ELAC2: variants seen among roughly 807,000 people sequenced by gnomAD.
ELAC2 encodes the protein elaC ribonuclease Z 2, also known as zinc phosphodiesterase ELAC protein 2.
In ELAC2, 92 loss-of-function variants were observed where a neutral mutation model predicts 105.2. That is an observed-to-expected ratio of 0.87 (90% CI 0.74 to 1.04). ELAC2 has a LOEUF of 1.04. Ranked by LOEUF, ELAC2 falls within the 50% of genes least tolerant of loss-of-function variation. The pLI, the probability that ELAC2 is intolerant of heterozygous loss-of-function variation, is 0.00. For synonymous variants in ELAC2, 468 were observed against 409.1 expected, an observed-to-expected ratio of 1.14 and a Z score of -1.74; for missense variants, 1,099 against 1,071.7, an observed-to-expected ratio of 1.03 and a Z score of -0.36.
Position 13,005,803 on chromosome 17 carries a change from T to C in ELAC2, c.820A>G (p.Ile274Val), listed in dbSNP as rs1467469480. The C allele has an allele frequency of 6.2e-7, 1 of 1,614,050 alleles. No individual in the cohort carries two copies. The highest frequency in any genetic ancestry group is 8.5e-7 in the Non-Finnish European group (1 of 1,180,052). ...LPVGTAAIAP[I>V]IAAVKDGKSI... ...TTCCCGTCCTTGACAGCAGCAATGA[T>C]GGGAGCGATGGCAGCTGTCCCACTG... is the stretch of plus-strand genomic sequence containing the variant. The change falls in exon 10 of 24, where the codon ATC becomes GTC. Residue 274 changes from isoleucine (I) to valine (V), a missense_variant. By Grantham distance (29) the Ile-to-Val change is conservative. Transcript: ENST00000338034.
intron 8 of ELAC2, 124 bp from the exon 9 acceptor site, chr17:13,006,103 G>T: frequency 2.0e-6 from 2 of 987,086 alleles, no homozygotes; most frequent in Non-Finnish European, 3.1e-6. Context: ...AGGCACGGTG[G>T]CTCACGCCTG....
rs1598189763 is a variant in ELAC2 at position 12,993,028 on chromosome 17, A to G, written c.2271T>C (p.Phe757=). The G allele has an allele frequency of 1.2e-6, 2 of 1,603,336 alleles. No homozygotes were observed. Among genetic ancestry groups the G allele is most frequent in the Non-Finnish European group, 1.7e-6 (2 of 1,178,666 alleles). ...FDHMKVCFGD[F]PTMPKLIPPL... ...GGGGAATCAGCTTGGGCATTGTTGG[A>G]AAGTCTCCAAAGCAGACCTAGAAGA... Residue 757 remains phenylalanine (F), a synonymous_variant, in exon 24 of 24, where the codon TTT becomes TTC. Transcript: ENST00000338034.
intron 22 of ELAC2, 72 bp downstream of exon 22, chr17:12,994,352 CG>C: frequency 6.4e-7 from 1 of 1,552,684 alleles, no homozygotes; most frequent in South Asian, 1.1e-5. Context: ...TGGAGACAAA[CG>C]ACGGCTGCTC....
intron 23 of ELAC2, 64 bp downstream of exon 23, chr17:12,993,619 TACTC>T (rs2040315386): frequency 1.9e-6 from 3 of 1,608,778 alleles, no homozygotes; most frequent in Non-Finnish European, 2.5e-6. Flanking sequence ...CTGACCGTCC[TACTC>T]AGTGTGTAGA....
chr17:12,996,241 T>C lies in ELAC2; in HGVS notation c.1660-263A>G, dbSNP rs142055794. The C allele has an allele frequency of 1.5e-3, 933 of 625,598 alleles. 5 individuals carry two copies. The African/African-American group carries it at 0.015, about 10-fold the overall frequency. 38.8% of individuals were successfully genotyped at this position (625,598 alleles called of 1,614,324 possible). On this transcript the variant is annotated intron_variant, in intron 17 of 23. Transcript: ENST00000338034. Reference sequence around the variant, plus strand: ...CCAGGAGACCAAGGTGAGGGTCTCATAGCCACACCTCCTGCATCCGGTCAA... The same window carrying C: ...CCAGGAGACCAAGGTGAGGGTCTCACAGCCACACCTCCTGCATCCGGTCAA...
Position 12,996,192 on chromosome 17 carries a change from G to A in ELAC2, c.1660-214C>T, listed in dbSNP as rs889304155. ...GCGACACGACCCGTGCTGGGAAGAG[G>A]GCAACGGCCCAGGGCCCGGCACCCC... On this transcript the variant is annotated intron_variant, in intron 17 of 23. Coordinates refer to ENST00000338034, the MANE Select transcript of ELAC2 (RefSeq NM_018127.7). 3.1e-5 allele frequency: 21 copies of A among 670,218 alleles called. No homozygotes were observed. The Middle Eastern group carries it at 1.2e-3, about 38-fold the overall frequency. The allele number at this position is 670,218 out of a possible 1,614,324, so 41.5% of individuals were successfully genotyped here. A position where few individuals can be genotyped will look rare whatever the true frequency, so the allele number is the denominator to read the frequency against.
chr17:13,002,186 G>T, intron 14 of ELAC2, 88 bp downstream of exon 14: 1 of 1,398,758 alleles, frequency 7.1e-7, no homozygotes, highest in Non-Finnish European at 1.0e-6. Context: ...GGTCTGGAGA[G>T]CCTCCTGGAA....
In ELAC2 at chr17:12,995,977, C is replaced by A; in HGVS notation, c.1661G>T (p.Gly554Val). ...VSHLHADHHT[G>V]LPSILLQRER... is the part of the protein sequence containing the mutation. ...TCTCTGCAGCAAGATACTTGGCAAGCCCTGGCAAGGAAACAGGAGACATGC... is the reference window on the plus strand; with the variant it reads ...TCTCTGCAGCAAGATACTTGGCAAGACCTGGCAAGGAAACAGGAGACATGC... Residue 554 changes from glycine (G) to valine (V), a missense_variant and splice_region_variant, in exon 18 of 24, where the codon GGC becomes GTC. Coordinates refer to ENST00000338034, the MANE Select transcript of ELAC2 (RefSeq NM_018127.7). The A allele has an allele frequency of 6.3e-7, 1 of 1,594,560 alleles. No individual in the cohort carries two copies. Among genetic ancestry groups the A allele is most frequent in the Non-Finnish European group, 8.6e-7 (1 of 1,169,190 alleles).
At chr17:13,008,372 C>T (rs976213586) in intron 8 of ELAC2, among the ~76,000 whole-genome samples, 9 of 151,812 alleles carry the variant, frequency 5.9e-5, no homozygotes, top group African/African-American at 1.7e-4. Context: ...ATTAGCTGGG[C>T]ATGGTGGTGC....
chr17:13,010,750 C>T lies in ELAC2; in HGVS notation c.680-79G>A, dbSNP rs1489041239. 4 of 1,270,896 alleles carry T rather than the reference C, an allele frequency of 3.1e-6. No homozygotes were observed. The East Asian group carries it at 7.0e-5, about 22-fold the overall frequency. 78.7% of individuals were successfully genotyped at this position (1,270,896 alleles called of 1,614,324 possible). ...ATCACAGACTGATTATGACCCGATA[C>T]CTAATTTCACTTCACATAAAAATTA... is the stretch of plus-strand genomic sequence containing the variant. On this transcript the variant is annotated intron_variant, in intron 7 of 23. Coordinates refer to ENST00000338034, the MANE Select transcript of ELAC2 (RefSeq NM_018127.7).
intron 15 of ELAC2, among the ~76,000 whole-genome samples, 158 bp downstream of exon 15, chr17:12,999,998 A>T (rs2040690926): frequency 6.6e-6 from 1 of 152,122 alleles, no homozygotes; most frequent in Non-Finnish European, 1.5e-5. Flanking sequence ...CCCTCCTCCA[A>T]TGACTATAAT....
intron 23 of ELAC2, 29 bp downstream of exon 23, chr17:12,993,658 G>C: frequency 6.2e-7 from 1 of 1,613,744 alleles, no homozygotes; most frequent in Non-Finnish European, 8.5e-7. Flanking sequence ...CCCCGTCCCC[G>C]CCCTGTGCTG....
In ELAC2 at chr17:12,998,456, G is replaced by A. The variant is rs766476173; in HGVS notation, c.1476C>T (p.Ile492=). The change falls in exon 16 of 24, where the codon ATC becomes ATT. Residue 492 remains isoleucine, a synonymous_variant. Transcript: ENST00000338034. ...EIIFLGTGSA[I]PMKIRNVSAT... ...CACTGACATTTCGAATCTTCATCGGGATGGCAGACCCTGTTCCAAGGAAGA... is the reference window on the plus strand; with the variant it reads ...CACTGACATTTCGAATCTTCATCGGAATGGCAGACCCTGTTCCAAGGAAGA... 2 of 1,614,216 alleles carry A rather than the reference G, an allele frequency of 1.2e-6. No homozygotes were observed. Among genetic ancestry groups the A allele is most frequent in the African/African-American group, 2.7e-5 (2 of 75,058 alleles).
chr17:13,006,020 G>A, intron 8 of ELAC2, 41 bp from the exon 9 acceptor site: 14 of 1,585,672 alleles, frequency 8.8e-6, no homozygotes, highest in Non-Finnish European at 1.2e-5. Context: ...AGGGGCTAAT[G>A]AAGAAGGTTG....
intron 8 of ELAC2, 97 bp from the exon 9 acceptor site, chr17:13,006,076 AAAT>A (rs1419603564): frequency 7.5e-6 from 10 of 1,326,592 alleles, no homozygotes; most frequent in Admixed American, 1.7e-5. Flanking sequence ...GATTAAAAAA[AAAT>A]AATAATGTTG....
Position 12,992,934 on chromosome 17 carries a change from GCCGCAGCTC to G in ELAC2, c.2356_2364del (p.Glu786_Arg788del). 6.2e-7 allele frequency: 1 copy of G among 1,611,402 alleles called. No homozygotes were observed. The highest frequency in any genetic ancestry group is 2.2e-5 in the East Asian group (1 of 44,868). On this transcript the variant is annotated inframe_deletion, in exon 24 of 24. Transcript: ENST00000338034. ...CTGGACAGGAGGGCCGCCCGCACCT[GCCGCAGCTC>G]CCGCTTCTCCCTGCGCTCCTCCATC...
At chr17:13,007,982 C>T (rs540362812) in intron 8 of ELAC2, among the ~76,000 whole-genome samples, 1 of 151,704 alleles carries the variant, frequency 6.6e-6, no homozygotes, top group Non-Finnish European at 1.5e-5. Context: ...AGGCAGATCA[C>T]TTGAGGTCAG....
chr17:12,993,289 C>CA (rs1485896299), intron 23 of ELAC2, among the ~76,000 whole-genome samples: 2 of 152,220 alleles, frequency 1.3e-5, no homozygotes, highest in Non-Finnish European at 2.9e-5. Context: ...CAGATGCTCT[C>CA]AAAATCAAGC....
At chr17:13,017,494 G>C in intron 1 of ELAC2, 3 of 1,094,036 alleles carry the variant, frequency 2.7e-6, no homozygotes, top group South Asian at 1.6e-5. Flanking sequence ...AGGACGCTCA[G>C]ACCCAGGCCT....
Sources: gnomAD v4.1 joint callset for allele counts (sites outside exome capture counted in the v4.1 genomes callset) on GRCh38, gnomAD v4.1.1 for gene constraint, MANE v1.5 for transcripts, NCBI Gene and HGNC (gene_info 2026-07-23, HGNC 2026-07-21) for gene names.